Variants in SLC5A4 observed in about 807,000 individuals in gnomAD.
SLC5A4 encodes the protein solute carrier family 5 member 4.
A neutral mutation model predicts 70.3 loss-of-function variants in SLC5A4; 55 were observed. The ratio of observed to expected loss-of-function variants is 0.78; its 90% CI spans 0.63 to 0.98. The LOEUF (loss-of-function observed/expected upper bound fraction) is 0.98, where lower values mean the gene tolerates loss of function less well. Ranked by LOEUF, SLC5A4 falls within the 50% of genes least tolerant of loss-of-function variation. SLC5A4 has a pLI of 0.00. For synonymous variants in SLC5A4, 268 were observed against 305.7 expected, an observed-to-expected ratio of 0.88 and a Z score of 1.29; for missense variants, 735 against 839.2, an observed-to-expected ratio of 0.88 and a Z score of 1.53.
the SLC5A4 span, among the ~76,000 whole-genome samples, chr22:32,343,713 C>T: frequency 6.6e-6 from 1 of 152,028 alleles, no homozygotes; most frequent in Admixed American, 6.6e-5. Flanking sequence ...GTTGATGAAC[C>T]CAATTATCAA....
Position 32,236,705 on chromosome 22 carries a change from AT to A in SLC5A4, c.664+538del, listed in dbSNP as rs551794690. Among the ~76,000 whole-genome samples the A allele has an allele frequency of 7.2e-3, 1,029 of 142,704 alleles. 4 individuals are homozygous for A. The highest frequency in any genetic ancestry group is 0.013 in the African/African-American group (494 of 38,882). The allele number at this position is 142,704 out of a possible 152,430, so 93.6% of individuals were successfully genotyped here. A position where few individuals can be genotyped will look rare whatever the true frequency, so the allele number is the denominator to read the frequency against. On this transcript the variant is annotated intron_variant, in intron 7 of 14. Transcript: ENST00000266086. ...AATGAGATAACTTATCTAAGCAGTA[AT>A]TTTTTTTTTTTTTTTTGAGATGGAG...
the SLC5A4 span, among the ~76,000 whole-genome samples, chr22:32,325,640 C>G: frequency 3.3e-3 from 498 of 152,338 alleles, 6 homozygotes; most frequent in African/African-American, 0.012. Flanking sequence ...ATTCTCAAAC[C>G]GGCAAGATTA....
chr22:32,309,702 C>T, the SLC5A4 span, among the ~76,000 whole-genome samples: 3 of 152,236 alleles, frequency 2.0e-5, no homozygotes, highest in Non-Finnish European at 4.4e-5. Flanking sequence ...CCCAAGTGCA[C>T]ACTTCTCACC....
the SLC5A4 span, among the ~76,000 whole-genome samples, chr22:32,317,913 T>C: frequency 1.4e-4 from 22 of 152,206 alleles, no homozygotes; most frequent in Admixed American, 1.4e-3. Context: ...CACCATCCCT[T>C]AGCCCCTCCC....
At chr22:32,315,693 CA>C in the SLC5A4 span, among the ~76,000 whole-genome samples, 1 of 149,688 alleles carries the variant, frequency 6.7e-6, no homozygotes, top group African/African-American at 2.5e-5. Flanking sequence ...ACAACCCCCA[CA>C]AAACTATAAA....
intron 11 of SLC5A4, among the ~76,000 whole-genome samples, chr22:32,226,377 T>C (rs1283658215): frequency 6.6e-6 from 1 of 152,218 alleles, no homozygotes; most frequent in Non-Finnish European, 1.5e-5. Context: ...GAGCATGACT[T>C]CTTAACCTTT....
chr22:32,280,976 C>T, the SLC5A4 span, among the ~76,000 whole-genome samples: 1 of 152,160 alleles, frequency 6.6e-6, no homozygotes, highest in Admixed American at 6.5e-5. Context: ...CCCAGTCTCT[C>T]AACAGTTCTA....
At chr22:32,323,239 C>T in the SLC5A4 span, among the ~76,000 whole-genome samples, 4 of 152,100 alleles carry the variant, frequency 2.6e-5, no homozygotes, top group South Asian at 4.1e-4. Flanking sequence ...AGGTGGACCC[C>T]GCACCTCCTC....
chr22:32,337,997 GCTTGAACTCT>G, the SLC5A4 span, among the ~76,000 whole-genome samples: 1 of 143,358 alleles, frequency 7.0e-6, no homozygotes, highest in Non-Finnish European at 1.5e-5. Context: ...AATTCCTACA[GCTTGAACTCT>G]CTTGAGTCAG....
intron 3 of SLC5A4, 22 bp from the exon 4 acceptor site, chr22:32,248,824 G>A: frequency 6.5e-7 from 1 of 1,534,616 alleles, no homozygotes; most frequent in Non-Finnish European, 9.0e-7. Context: ...CAAAATAAGA[G>A]ACAGTGAGAC....
the SLC5A4 span, among the ~76,000 whole-genome samples, chr22:32,336,572 T>C: frequency 6.6e-6 from 1 of 152,232 alleles, no homozygotes; most frequent in Admixed American, 6.5e-5. Flanking sequence ...CCATGTTGCC[T>C]GTTAGGAGCT....
chr22:32,314,622 A>C, the SLC5A4 span, among the ~76,000 whole-genome samples: 2 of 152,278 alleles, frequency 1.3e-5, no homozygotes, highest in East Asian at 3.9e-4. Context: ...TTTTTTTAAA[A>C]GTTCTGTGGA....
At chr22:32,277,761 G>T in the SLC5A4 span, among the ~76,000 whole-genome samples, 1 of 152,274 alleles carries the variant, frequency 6.6e-6, no homozygotes, top group African/African-American at 2.4e-5. Context: ...TGTTAGCCAA[G>T]ATGGTCTCGA....
chr22:32,333,205 C>CCG, the SLC5A4 span, among the ~76,000 whole-genome samples: 3 of 148,976 alleles, frequency 2.0e-5, no homozygotes, highest in African/African-American at 2.5e-5. Context: ...CACCCCCCCC[C>CCG]CAGAAGACTC....
At chr22:32,303,374 G>C in the SLC5A4 span, among the ~76,000 whole-genome samples, 4 of 152,208 alleles carry the variant, frequency 2.6e-5, no homozygotes, top group Non-Finnish European at 5.9e-5. Flanking sequence ...TGATCAGCCA[G>C]CCTTTCACCA....
At chr22:32,281,935 C>T in the SLC5A4 span, among the ~76,000 whole-genome samples, 306 of 152,294 alleles carry the variant, frequency 2.0e-3, 3 homozygotes, top group African/African-American at 6.9e-3. Flanking sequence ...CCTCAGCCTC[C>T]TGGGTTCAAG....
chr22:32,304,909 A>AAAGTCTG, the SLC5A4 span, among the ~76,000 whole-genome samples: 1 of 151,876 alleles, frequency 6.6e-6, no homozygotes, highest in Non-Finnish European at 1.5e-5. Context: ...TGTGGAGTGT[A>AAAGTCTG]AAGTCTGTGT....
chr22:32,220,466 G>A (rs1166157142), intron 14 of SLC5A4, among the ~76,000 whole-genome samples: 3 of 152,180 alleles, frequency 2.0e-5, no homozygotes, highest in Admixed American at 6.5e-5. Context: ...TAGTTTTAAA[G>A]AATAAGCATT....
the SLC5A4 span, among the ~76,000 whole-genome samples, chr22:32,298,721 C>T: frequency 1.2e-3 from 87 of 75,342 alleles, no homozygotes; most frequent in Admixed American, 1.9e-3. Flanking sequence ...TTATTTTGCT[C>T]GTTAGTTGAT....
Sources: allele counts gnomAD v4.1 joint callset (sites outside exome capture counted in the v4.1 genomes callset), GRCh38; gene constraint gnomAD v4.1.1; transcripts MANE v1.5; gene names NCBI Gene and HGNC (gene_info 2026-07-23, HGNC 2026-07-21).